The following ZBED6 variants were observed in gnomAD, a reference collection of about 807,000 sequenced individuals.
The protein encoded by ZBED6 is zinc finger BED domain-containing protein 6.
ZBED6 carries 40 observed loss-of-function variants against 58.4 expected under a neutral mutation model. That is an observed-to-expected ratio of 0.68 (90% CI 0.53 to 0.89). The LOEUF (loss-of-function observed/expected upper bound fraction) is 0.89. Among genes scored for constraint, ZBED6 ranks in the 40% least tolerant of loss-of-function variants. The probability of loss-of-function intolerance (pLI) is 0.00; values close to 1 mark genes in which losing one functional copy is unlikely to be tolerated. For missense variants in ZBED6, 1,057 were observed against 1,003.9 expected (o/e 1.05, Z -0.71); for synonymous variants, 439 against 350.6 (o/e 1.25, Z -2.82).
At chr1:203,806,830 C>CTTTTTTTTTTTTTTTT (rs373591619) in intron 1 of ZBED6, among the ~76,000 whole-genome samples, 1 of 117,860 alleles carries the variant, frequency 8.5e-6, no homozygotes, top group Non-Finnish European at 1.7e-5. Context: ...CCTCAGGTTC[C>CTTTTTTTTTTTTTTTT]TTTTTTTTTT....
At chr1:203,797,866 T>C (rs1273658138) in exon 1 of ZBED6, 2 of 1,535,986 alleles carry the variant, frequency 1.3e-6, no homozygotes, top group East Asian at 2.4e-5. Flanking sequence ...GAAAGTCTTT[T>C]TGAGAGCAAT....
intron 14 of ZBED6, 48 bp downstream of exon 14, chr1:203,850,074 A>G (rs766702893): frequency 3.8e-5 from 60 of 1,565,868 alleles, no homozygotes; most frequent in Admixed American, 5.6e-5. Context: ...AAAATTACCA[A>G]ATTCAACCCA....
chr1:203,799,914 G>A (rs1571882469), exon 1 of ZBED6: 1 of 1,536,126 alleles, frequency 6.5e-7, no homozygotes, highest in Non-Finnish European at 8.7e-7. Flanking sequence ...CCTTGCAGAA[G>A]AGGTCTGTAA....
rs1019433330 is a variant in ZBED6 at position 203,842,907 on chromosome 1, T to C, written c.*3741+2533T>C. On this transcript the variant is annotated intron_variant, in intron 11 of 16. Transcript: ENST00000550078. ...TAAGGAATAATAAAATGAACATCCA[T>C]GTATTCAGCCTTCCGTCTTTTTTTT... Among the ~76,000 whole-genome samples, 10 of 131,126 alleles carry C rather than the reference T, an allele frequency of 7.6e-5. No individual in the cohort carries two copies. In the East Asian group the frequency reaches 2.3e-3, roughly 30 times the overall value. 86.0% of individuals were successfully genotyped at this position (131,126 alleles called of 152,430 possible). A position where few individuals can be genotyped will look rare whatever the true frequency, so the allele number is the denominator to read the frequency against.
At chr1:203,821,538 A>C (rs1678695459) in intron 3 of ZBED6, among the ~76,000 whole-genome samples, 1 of 152,056 alleles carries the variant, frequency 6.6e-6, no homozygotes, top group African/African-American at 2.4e-5. Flanking sequence ...TTTTGGCCTG[A>C]CAAGATTTTC....
chr1:203,827,409 G>A (rs1277166373), intron 3 of ZBED6, among the ~76,000 whole-genome samples: 1 of 150,192 alleles, frequency 6.7e-6, no homozygotes, highest in African/African-American at 2.5e-5. Context: ...GGCCGGGTGC[G>A]GTGGCTCACA....
chr1:203,841,238 G>C (rs949838169), intron 11 of ZBED6, among the ~76,000 whole-genome samples: 2 of 151,568 alleles, frequency 1.3e-5, no homozygotes, highest in South Asian at 4.2e-4. Context: ...CAACAGTGGA[G>C]GGAAGGTCAG....
chr1:203,851,869 G>A (rs138292398), intron 16 of ZBED6, among the ~76,000 whole-genome samples: 4 of 150,612 alleles, frequency 2.7e-5, no homozygotes, highest in South Asian at 2.1e-4. Flanking sequence ...CTTGGGAGGC[G>A]GAGGCAAAAT....
chr1:203,824,816 A>T (rs1038002395), intron 3 of ZBED6, among the ~76,000 whole-genome samples: 1 of 152,200 alleles, frequency 6.6e-6, no homozygotes, highest in African/African-American at 2.4e-5. Context: ...ACGGTGGCTC[A>T]CGCCTGTAAT....
In ZBED6 at chr1:203,840,273, A is replaced by G. The variant is rs200227258; in HGVS notation, c.*3673-33A>G. 1.3e-4 allele frequency: 211 copies of G among 1,607,068 alleles called. No individual in the cohort carries two copies. In the African/African-American group the frequency reaches 1.9e-3, roughly 14 times the overall value. On this transcript the variant is annotated intron_variant, in intron 10 of 16. Coordinates refer to ENST00000550078, the Ensembl canonical transcript of ZBED6. ...TTAAGCTGTAAAAAGTTTCTGTTCAACTTTTGATTTTTGAAAATCTTTCTT... is the reference window on the plus strand; with the variant it reads ...TTAAGCTGTAAAAAGTTTCTGTTCAGCTTTTGATTTTTGAAAATCTTTCTT...
At chr1:203,800,291 C>G in exon 1 of ZBED6, 1 of 918,956 alleles carries the variant, frequency 1.1e-6, no homozygotes, top group South Asian at 1.4e-5. Context: ...CTAAAAATAG[C>G]CACTTTCATC....
chr1:203,815,217 T>TTTTTC (rs1553261511), intron 1 of ZBED6, among the ~76,000 whole-genome samples: 1 of 5,838 alleles, frequency 1.7e-4, no homozygotes. Flanking sequence ...TTTTCTTTTC[T>TTTTTC]TTTTTTTTTT....
intron 7 of ZBED6, among the ~76,000 whole-genome samples, chr1:203,830,844 A>G (rs1020863864): frequency 2.0e-5 from 3 of 150,872 alleles, no homozygotes; most frequent in Non-Finnish European, 3.0e-5. Context: ...ATTTTCTAGT[A>G]GAAGAGTTCT....
intron 15 of ZBED6, 69 bp downstream of exon 15, chr1:203,850,750 A>G: frequency 7.7e-6 from 12 of 1,552,682 alleles, no homozygotes; most frequent in Non-Finnish European, 2.6e-6. Context: ...CTAACTCTCC[A>G]CTAGCATTCT....
exon 12 of ZBED6, chr1:203,847,518 T>C: frequency 1.2e-6 from 2 of 1,613,924 alleles, no homozygotes; most frequent in Non-Finnish European, 1.7e-6. Flanking sequence ...CAGAGGAGCC[T>C]GCAGGTAAAA....
Position 203,815,216 on chromosome 1 carries a change from C to CTTTTTTTTTTTT in ZBED6, c.*2555-1705_*2555-1694dup, listed in dbSNP as rs59254922. ...TTCATTATTTTCTTCCTTTTCTTTTCTTTTTTTTTTTTTTTTGAGACAGTG... is the reference window on the plus strand; with the variant it reads ...TTCATTATTTTCTTCCTTTTCTTTTCTTTTTTTTTTTTTTTTTTTTTTTTTTTTGAGACAGTG... On this transcript the variant is annotated intron_variant, in intron 1 of 16. Transcript: ENST00000550078. 4.3e-3 allele frequency among the ~76,000 whole-genome samples: 420 copies of CTTTTTTTTTTTT among 97,074 alleles called. 20 individuals are homozygous for CTTTTTTTTTTTT. The highest frequency in any genetic ancestry group is 8.8e-3 in the East Asian group (29 of 3,298). The allele number at this position is 97,074 out of a possible 152,430, so 63.7% of individuals were successfully genotyped here. A position where few individuals can be genotyped will look rare whatever the true frequency, so the allele number is the denominator to read the frequency against.
exon 1 of ZBED6, chr1:203,798,200 T>C (rs752338318): frequency 4.6e-6 from 7 of 1,535,962 alleles, no homozygotes; most frequent in South Asian, 2.4e-5. Context: ...TAGATGATAA[T>C]AGAATGGGCA....
intron 1 of ZBED6, among the ~76,000 whole-genome samples, chr1:203,814,073 T>G (rs1675427532): frequency 6.6e-6 from 1 of 152,098 alleles, no homozygotes; most frequent in South Asian, 2.1e-4. Flanking sequence ...AATATGTCTC[T>G]CTCCTTGCAT....
intron 1 of ZBED6, among the ~76,000 whole-genome samples, chr1:203,807,405 C>G (rs1327287123): frequency 3.9e-5 from 6 of 152,140 alleles, no homozygotes; most frequent in African/African-American, 1.4e-4. Flanking sequence ...CCAGCGTCAG[C>G]CCCCTGAGTA....
Sources: allele counts gnomAD v4.1 joint callset (sites outside exome capture counted in the v4.1 genomes callset), GRCh38; gene constraint gnomAD v4.1.1; transcripts MANE v1.5; gene names NCBI Gene and HGNC (gene_info 2026-07-23, HGNC 2026-07-21).